The following NME7 variants were observed in gnomAD, a reference collection of about 807,000 sequenced individuals.
The protein encoded by NME7 is NME/NM23 family member 7.
NME7 carries 41 observed loss-of-function variants against 49.1 expected under a neutral mutation model. That is an observed-to-expected ratio of 0.83 (90% confidence interval 0.65 to 1.08). The LOEUF (loss-of-function observed/expected upper bound fraction) is 1.08, where lower values mean the gene tolerates loss of function less well. Among genes scored for constraint, NME7 ranks in the 50% least tolerant of loss-of-function variants. NME7 has a pLI of 0.00. For missense variants in NME7, 423 were observed against 463.4 expected, an observed-to-expected ratio of 0.91 and a Z score of 0.80; for synonymous variants, 139 against 150.6, an observed-to-expected ratio of 0.92 and a Z score of 0.56.
chr1:169,206,484 C>G (rs1262980739), intron 10 of NME7, among the ~76,000 whole-genome samples: 1 of 152,094 alleles, frequency 6.6e-6, no homozygotes, highest in Admixed American at 6.6e-5. Context: ...TGGGTTAATG[C>G]TTGGTCTTCA....
intron 10 of NME7, among the ~76,000 whole-genome samples, chr1:169,202,497 C>T (rs190556724): frequency 4.1e-4 from 63 of 152,220 alleles, no homozygotes; most frequent in African/African-American, 1.5e-3. Context: ...CCCAGTCTCA[C>T]GTATTTCTTT....
intron 10 of NME7, among the ~76,000 whole-genome samples, chr1:169,198,734 C>G (rs1184184348): frequency 1.3e-5 from 2 of 151,818 alleles, no homozygotes; most frequent in African/African-American, 4.8e-5. Context: ...CAAATGATAG[C>G]CAAAAGGTAT....
chr1:169,290,740 T>C (rs1251879343), intron 6 of NME7, among the ~76,000 whole-genome samples: 3 of 152,020 alleles, frequency 2.0e-5, no homozygotes, highest in African/African-American at 7.3e-5. Flanking sequence ...ACCTATAGAA[T>C]GGGAGAAAAT....
intron 6 of NME7, among the ~76,000 whole-genome samples, chr1:169,293,362 C>G (rs781522433): frequency 2.0e-5 from 3 of 151,016 alleles, no homozygotes; most frequent in African/African-American, 4.9e-5. Context: ...CTATATAAGT[C>G]TGAAACTCTA....
intron 7 of NME7, among the ~76,000 whole-genome samples, chr1:169,253,621 G>A (rs537268159): frequency 6.6e-6 from 1 of 152,250 alleles, no homozygotes; most frequent in Admixed American, 6.5e-5. Context: ...TGGTGAGAGA[G>A]GGCATCCCTG....
intron 10 of NME7, among the ~76,000 whole-genome samples, chr1:169,209,901 A>T (rs1660765927): frequency 6.6e-6 from 1 of 152,160 alleles, no homozygotes; most frequent in African/African-American, 2.4e-5. Flanking sequence ...TCTTTCAGGA[A>T]TTCCTCTACT....
intron 11 of NME7, among the ~76,000 whole-genome samples, chr1:169,133,022 G>A (rs966679366): frequency 6.6e-6 from 1 of 152,068 alleles, no homozygotes; most frequent in Non-Finnish European, 1.5e-5. Context: ...CAGTGCTACT[G>A]CTACTTCACT....
chr1:169,356,194 C>A (rs1571418073), intron 1 of NME7, among the ~76,000 whole-genome samples: 1 of 152,254 alleles, frequency 6.6e-6, no homozygotes, highest in African/African-American at 2.4e-5. Context: ...AAATACAATA[C>A]CTACTTCCAA....
At chr1:169,207,256 G>T (rs1380388915) in intron 10 of NME7, among the ~76,000 whole-genome samples, 1 of 152,100 alleles carries the variant, frequency 6.6e-6, no homozygotes, top group African/African-American at 2.4e-5. Flanking sequence ...AACTAACACA[G>T]TGAGAACTCA....
intron 6 of NME7, among the ~76,000 whole-genome samples, chr1:169,291,080 A>G (rs1056810665): frequency 6.6e-6 from 1 of 152,172 alleles, no homozygotes; most frequent in Non-Finnish European, 1.5e-5. Context: ...AATTAGTTCA[A>G]CCTTTGTGGA....
At chr1:169,209,686 T>C (rs536759491) in intron 10 of NME7, among the ~76,000 whole-genome samples, 11 of 152,152 alleles carry the variant, frequency 7.2e-5, no homozygotes, top group African/African-American at 2.7e-4. Context: ...AAATTTTCCA[T>C]GGAGCTTCCT....
intron 3 of NME7, among the ~76,000 whole-genome samples, chr1:169,312,062 T>C (rs1046439636): frequency 6.6e-6 from 1 of 152,232 alleles, no homozygotes; most frequent in Admixed American, 6.5e-5. Context: ...TATCTGTAAC[T>C]GCATAACAAA....
At chr1:169,162,739 T>C (rs1419281446) in intron 11 of NME7, among the ~76,000 whole-genome samples, 1 of 152,126 alleles carries the variant, frequency 6.6e-6, no homozygotes, top group Non-Finnish European at 1.5e-5. Context: ...CTCAGGAGGC[T>C]GAGGCAGGAG....
At chr1:169,301,981 T>C (rs1174054174) in intron 5 of NME7, 1 of 152,128 alleles carries the variant, frequency 6.6e-6, no homozygotes, top group Admixed American at 6.6e-5. Context: ...ACCTGGATGA[T>C]GGGATCCATA....
chr1:169,192,926 A>T (rs1660274656), intron 10 of NME7, among the ~76,000 whole-genome samples: 1 of 152,216 alleles, frequency 6.6e-6, no homozygotes, highest in African/African-American at 2.4e-5. Flanking sequence ...TTTGGAAAAT[A>T]TAGAATTATT....
At chr1:169,217,495 C>T (rs571957677) in intron 10 of NME7, among the ~76,000 whole-genome samples, 1 of 152,310 alleles carries the variant, frequency 6.6e-6, no homozygotes, top group Admixed American at 6.5e-5. Context: ...TTAATGCCAT[C>T]TGTTTCTCTT....
intron 7 of NME7, among the ~76,000 whole-genome samples, chr1:169,257,015 T>C (rs1322198107): frequency 7.6e-6 from 1 of 131,166 alleles, no homozygotes; most frequent in Non-Finnish European, 1.8e-5. Context: ...TGCTGTCTTT[T>C]TGTTTGTCTG....
rs757152108 is a variant in NME7, at chr1:169,367,705, C to T, written c.3+3G>A. ...CGTTCTTCTGGCATCCCCTGGCACT[C>T]ACCATTGTCTCAGGATCTCAGCACT... is the stretch of plus-strand genomic sequence containing the variant. On this transcript the variant is annotated splice_donor_region_variant and intron_variant, in intron 1 of 11. Transcript: ENST00000367811. 6.2e-7 allele frequency: 1 copy of T among 1,614,162 alleles called. No homozygotes were observed. Among genetic ancestry groups the T allele is most frequent in the Non-Finnish European group, 8.5e-7 (1 of 1,180,024 alleles).
intron 3 of NME7, among the ~76,000 whole-genome samples, chr1:169,313,532 A>C (rs1374440002): frequency 1.3e-5 from 2 of 152,204 alleles, no homozygotes; most frequent in Non-Finnish European, 2.9e-5. Context: ...AAAGACAATT[A>C]ATTCCCTCCT....
Sources: gnomAD v4.1 joint callset for allele counts (sites outside exome capture counted in the v4.1 genomes callset) on GRCh38, gnomAD v4.1.1 for gene constraint, MANE v1.5 for transcripts, NCBI Gene and HGNC (gene_info 2026-07-23, HGNC 2026-07-21) for gene names.